VCPIP1: variants seen among roughly 807,000 people sequenced by gnomAD.
VCPIP1 encodes the protein deubiquitinating protein VCPIP1.
In VCPIP1, 8 loss-of-function variants were observed where a neutral mutation model predicts 85.0. The observed-to-expected ratio is 0.09, with a 90% CI of 0.06 to 0.17. The LOEUF is 0.17. Ranked by LOEUF, VCPIP1 falls within the 10% of genes least tolerant of loss-of-function variation. The pLI is 1.00. For missense variants in VCPIP1, 1,070 were observed against 1,486.3 expected (o/e 0.72, Z 4.61); for synonymous variants, 543 against 544.5 (o/e 1.00, Z 0.04).
intron 1 of VCPIP1, among the ~76,000 whole-genome samples, chr8:66,656,172 A>C (rs1811098189): frequency 6.6e-6 from 1 of 152,158 alleles, no homozygotes. Flanking sequence ...TTAAGAGGTC[A>C]CCATTCTAAT....
At chr8:66,646,814 A>C (rs1186057399) in intron 2 of VCPIP1, among the ~76,000 whole-genome samples, 3 of 151,860 alleles carry the variant, frequency 2.0e-5, no homozygotes, top group East Asian at 1.9e-4. Context: ...AAATAAATAC[A>C]GAAGTTCGAG....
intron 1 of VCPIP1, among the ~76,000 whole-genome samples, chr8:66,660,894 T>C (rs1811149518): frequency 6.6e-6 from 1 of 152,016 alleles, no homozygotes; most frequent in African/African-American, 2.4e-5. Context: ...AATACAAAAA[T>C]TAGCTGGGTG....
chr8:66,641,815 A>C (rs1810950676), intron 2 of VCPIP1, among the ~76,000 whole-genome samples: 1 of 152,224 alleles, frequency 6.6e-6, no homozygotes, highest in African/African-American at 2.4e-5. Flanking sequence ...TATGGCTATA[A>C]CACATTTTAT....
intron 2 of VCPIP1, among the ~76,000 whole-genome samples, chr8:66,638,970 C>CTCTCTATATATATATATA: frequency 1.6e-4 from 19 of 118,436 alleles, no homozygotes; most frequent in African/African-American, 7.4e-4. Context: ...CTCTCTCTCT[C>CTCTCTATATATATATATA]TATATATATA....
chr8:66,659,903 C>T (rs1354319022), intron 1 of VCPIP1, among the ~76,000 whole-genome samples: 4 of 151,102 alleles, frequency 2.6e-5, no homozygotes, highest in African/African-American at 4.9e-5. Flanking sequence ...CCAGGCTGGG[C>T]GACAATCTGT....
intron 2 of VCPIP1, among the ~76,000 whole-genome samples, chr8:66,638,433 G>T (rs1223065606): frequency 1.5e-5 from 2 of 137,592 alleles, no homozygotes; most frequent in African/African-American, 5.4e-5. Context: ...GCTGCAGGAA[G>T]TTGTGATCAT....
At position 66,633,216 on chromosome 8, in the gene VCPIP1, A is replaced by G. The variant is rs1586619868; in HGVS notation, c.*1285T>C. On this transcript the variant is annotated 3_prime_UTR_variant, in exon 3 of 3. Coordinates refer to ENST00000310421, the MANE Select transcript of VCPIP1 (RefSeq NM_025054.5). Reference sequence around the variant, plus strand: ...CTGCATCTGTTACATGTGCAAACAGAGACAGCCAGGCTTTGAATGCTCTAG... The same window carrying G: ...CTGCATCTGTTACATGTGCAAACAGGGACAGCCAGGCTTTGAATGCTCTAG... 1 of 152,740 alleles carries G rather than the reference A, an allele frequency of 6.5e-6. No homozygotes were observed. The highest frequency in any genetic ancestry group is 2.4e-5 in the African/African-American group (1 of 41,596). The allele number at this position is 152,740 out of a possible 1,614,324, so 9.5% of individuals were successfully genotyped here.
intron 1 of VCPIP1, among the ~76,000 whole-genome samples, chr8:66,658,912 T>C (rs1467024584): frequency 1.3e-5 from 2 of 152,110 alleles, no homozygotes; most frequent in Non-Finnish European, 2.9e-5. Context: ...AGAAAGTATA[T>C]CAAAATGAAA....
At chr8:66,646,038 G>A (rs1205348146) in intron 2 of VCPIP1, among the ~76,000 whole-genome samples, 2 of 151,500 alleles carry the variant, frequency 1.3e-5, no homozygotes, top group Admixed American at 6.6e-5. Context: ...AACTTACAAC[G>A]GGTTACAGCC....
At chr8:66,662,013 C>T (rs1241455528) in intron 1 of VCPIP1, among the ~76,000 whole-genome samples, 1 of 151,702 alleles carries the variant, frequency 6.6e-6, no homozygotes, top group Admixed American at 6.6e-5. Flanking sequence ...GTGATCTGCC[C>T]GCCTCAGCCT....
rs1811198196 is a variant in VCPIP1 at position 66,665,423 on chromosome 8, C to T, written c.1536G>A (p.Leu512=). ...LRTDKNYSFP[L]NNLVCSYDSV... ...AATCATATGAGCAAACCAAATTGTT[C>T]AAGGGAAAGCTGTAATTTTTGTCAG... Residue 512 remains leucine (L), a synonymous_variant, in exon 1 of 3, where the codon TTG becomes TTA. Coordinates refer to ENST00000310421, the MANE Select transcript of VCPIP1 (RefSeq NM_025054.5). This position sits in a 1 kb window ranked among gnomAD's most constrained non-coding sequence, Gnocchi z 4.3. 1.9e-6 allele frequency: 3 copies of T among 1,614,052 alleles called. No individual in the cohort carries two copies. The highest frequency in any genetic ancestry group is 2.2e-5 in the East Asian group (1 of 44,892).
At position 66,667,054 on chromosome 8, in the gene VCPIP1, C is replaced by T; in HGVS notation, c.-96G>A. 1 of 1,418,338 alleles carries T rather than the reference C, an allele frequency of 7.1e-7. No individual in the cohort carries two copies. The highest frequency in any genetic ancestry group is 1.4e-5 in the African/African-American group (1 of 69,490). The allele number at this position is 1,418,338 out of a possible 1,614,324, so 87.9% of individuals were successfully genotyped here. ...AACCCGACTCGGTCCAGTCCAGGCC[C>T]AGGGCGAAGCACTTTCCTTTCCCTA... On this transcript the variant is annotated 5_prime_UTR_variant, in exon 1 of 3. Transcript: ENST00000310421.
chr8:66,662,264 T>C (rs1811165217), intron 1 of VCPIP1, among the ~76,000 whole-genome samples: 1 of 152,170 alleles, frequency 6.6e-6, no homozygotes, highest in Non-Finnish European at 1.5e-5. Flanking sequence ...GGGATAGAGA[T>C]GTTTCAGCCA....
intron 1 of VCPIP1, among the ~76,000 whole-genome samples, chr8:66,659,926 AAAAG>A (rs1216341022): frequency 6.6e-6 from 1 of 152,178 alleles, no homozygotes; most frequent in African/African-American, 2.4e-5. Flanking sequence ...CCAGAAAAAA[AAAAG>A]AAAGAAAATA....
chr8:66,630,795 G>A lies in VCPIP1; in HGVS notation c.*3706C>T, dbSNP rs1386475407. ...CATTAAATATGAACTGAAACACTTA[G>A]CATCTCAAAGAATTATCAAGAATGG... is the stretch of plus-strand genomic sequence containing the variant. On this transcript the variant is annotated 3_prime_UTR_variant, in exon 3 of 3. Transcript: ENST00000310421. The A allele has an allele frequency of 1.3e-5, 2 of 152,422 alleles. No homozygotes were observed. The highest frequency in any genetic ancestry group is 4.8e-5 in the African/African-American group (2 of 41,394). The allele number at this position is 152,422 out of a possible 1,614,324, so 9.4% of individuals were successfully genotyped here.
In VCPIP1 at chr8:66,630,165, A is replaced by G. The variant is rs1217258622; in HGVS notation, c.*4336T>C. On this transcript the variant is annotated 3_prime_UTR_variant, in exon 3 of 3. Coordinates refer to ENST00000310421, the MANE Select transcript of VCPIP1 (RefSeq NM_025054.5). The stretch of plus-strand genomic sequence containing the variant: ...ACAGTAAGGTGTGCTGTAGAACACT[A>G]TAATACACTATTACCAATTATTCAT... The G allele has an allele frequency of 6.6e-6, 1 of 152,226 alleles. No individual in the cohort carries two copies. The highest frequency in any genetic ancestry group is 6.5e-5 in the Admixed American group (1 of 15,284). 9.4% of individuals were successfully genotyped at this position (152,226 alleles called of 1,614,324 possible).
Position 66,666,950 on chromosome 8 carries a change from C to A in VCPIP1, c.9G>T (p.Gln3His). Residue 3 changes from glutamine to histidine, a missense_variant, in exon 1 of 3, where the codon CAG (glutamine) becomes CAT (histidine). Coordinates refer to ENST00000310421, the MANE Select transcript of VCPIP1 (RefSeq NM_025054.5). The surrounding 1 kb of genome is among the most constrained non-coding windows in gnomAD (Gnocchi z 6.3). Reference protein sequence around the residue: MSQPPPPPPPLPP... With the variant: MSHPPPPPPPLPP... The stretch of plus-strand genomic sequence containing the variant: ...GCAACGGAGGCGGCGGCGGCGGCGG[C>A]TGAGACATAGCTCCTGGCTCTCGTG... The A allele has an allele frequency of 1.9e-6, 3 of 1,573,482 alleles. No homozygotes were observed. Among genetic ancestry groups the A allele is most frequent in the Non-Finnish European group, 2.6e-6 (3 of 1,165,322 alleles).
chr8:66,638,648 G>A (rs544852832), intron 2 of VCPIP1, among the ~76,000 whole-genome samples: 12 of 151,876 alleles, frequency 7.9e-5, no homozygotes, highest in East Asian at 7.8e-4. Flanking sequence ...GCGTGGTGGC[G>A]GGCGCCTGGA....
rs1811205247 is a variant in VCPIP1, at chr8:66,665,992, G to A, written c.967C>T (p.Leu323=). ...TTCTCTGCAGGGATGAGCCCAGGTAGAAAGGTGGCTGAATAATCACCAGAG... is the reference window on the plus strand; with the variant it reads ...TTCTCTGCAGGGATGAGCCCAGGTAAAAAGGTGGCTGAATAATCACCAGAG... The part of the protein sequence containing the change: ...RSSGDYSATF[L]PGLIPAEKCT... Residue 323 remains leucine, a synonymous_variant, in exon 1 of 3, where the codon CTA becomes TTA. Transcript: ENST00000310421. This position sits in a 1 kb window ranked among gnomAD's most constrained non-coding sequence, Gnocchi z 4.3. The A allele has an allele frequency of 3.7e-6, 6 of 1,614,084 alleles. No individual in the cohort carries two copies. In the Middle Eastern group the frequency reaches 8.2e-4, roughly 221 times the overall value.
Sources: allele counts gnomAD v4.1 joint callset (sites outside exome capture counted in the v4.1 genomes callset), GRCh38; gene constraint gnomAD v4.1.1; non-coding constraint Gnocchi (gnomAD v3.1); transcripts MANE v1.5; gene names NCBI Gene and HGNC (gene_info 2026-07-23, HGNC 2026-07-21).